CAMTA1: variants seen among roughly 807,000 people sequenced by gnomAD.
CAMTA1 encodes the protein calmodulin-binding transcription activator 1.
A neutral mutation model predicts 170.9 loss-of-function variants in CAMTA1; 27 were observed. The ratio of observed to expected loss-of-function variants is 0.16; its 90% CI spans 0.12 to 0.22. The LOEUF is 0.22. CAMTA1 is among the 10% of genes least tolerant of loss of function. The pLI is 1.00. For missense variants in CAMTA1, 1,619 were observed against 2,217.2 expected, an observed-to-expected ratio of 0.73 and a Z score of 5.42; for synonymous variants, 833 against 891.5, an observed-to-expected ratio of 0.93 and a Z score of 1.17.
chr1:7,101,172 C>T (rs1225938496), intron 4 of CAMTA1, among the ~76,000 whole-genome samples: 1 of 152,202 alleles, frequency 6.6e-6, no homozygotes, highest in African/African-American at 2.4e-5. Flanking sequence ...TTATTCTTAG[C>T]ATCTTCAGCC....
At chr1:7,188,453 A>G (rs1653887295) in intron 4 of CAMTA1, among the ~76,000 whole-genome samples, 1 of 152,204 alleles carries the variant, frequency 6.6e-6, no homozygotes. Context: ...CTCTGTACCC[A>G]TTAAACAGTA....
At chr1:7,537,474 A>T (rs995341813) in intron 6 of CAMTA1, among the ~76,000 whole-genome samples, 1 of 152,210 alleles carries the variant, frequency 6.6e-6, no homozygotes, top group African/African-American at 2.4e-5. Context: ...AGGTCCTAAC[A>T]ACCCTTCTCC....
At chr1:7,577,763 C>T (rs1474384764) in intron 6 of CAMTA1, among the ~76,000 whole-genome samples, 1 of 152,070 alleles carries the variant, frequency 6.6e-6, no homozygotes, top group Non-Finnish European at 1.5e-5. Flanking sequence ...TTGAAACTAC[C>T]CAACACTGCC....
intron 5 of CAMTA1, among the ~76,000 whole-genome samples, chr1:7,460,081 G>A (rs1177603159): frequency 6.6e-6 from 1 of 152,240 alleles, no homozygotes; most frequent in African/African-American, 2.4e-5. Flanking sequence ...CTCACTGTGG[G>A]TCCCTTAGGG....
chr1:7,375,308 T>G (rs1557612899), intron 5 of CAMTA1, among the ~76,000 whole-genome samples: 2 of 152,050 alleles, frequency 1.3e-5, no homozygotes, highest in Admixed American at 6.5e-5. Context: ...GTCCTCAGCT[T>G]CCAACCAAAT....
intron 3 of CAMTA1, among the ~76,000 whole-genome samples, chr1:6,902,076 A>AAAT (rs1677141526): frequency 1.3e-5 from 1 of 78,262 alleles, no homozygotes; most frequent in African/African-American, 3.9e-5. Flanking sequence ...CACACACAAA[A>AAAT]AAAAAAATAA....
At chr1:7,399,195 G>C (rs2089688110) in intron 5 of CAMTA1, among the ~76,000 whole-genome samples, 1 of 152,134 alleles carries the variant, frequency 6.6e-6, no homozygotes, top group Admixed American at 6.5e-5. Flanking sequence ...ATGCGTTCTT[G>C]CTCTGTTAGT....
At chr1:6,984,175 G>T (rs1164392951) in intron 3 of CAMTA1, among the ~76,000 whole-genome samples, 1 of 139,646 alleles carries the variant, frequency 7.2e-6, no homozygotes, top group South Asian at 2.4e-4. Flanking sequence ...TAGATGGGTT[G>T]GTAGGTGAGT....
chr1:7,267,214 T>G (rs1038766025), intron 5 of CAMTA1, among the ~76,000 whole-genome samples: 1 of 152,054 alleles, frequency 6.6e-6, no homozygotes, highest in African/African-American at 2.4e-5. Context: ...CTTCTTGGAG[T>G]AGAGTTACCT....
chr1:7,409,416 A>G (rs1019544456), intron 5 of CAMTA1, among the ~76,000 whole-genome samples: 8 of 152,132 alleles, frequency 5.3e-5, no homozygotes, highest in African/African-American at 1.9e-4. Flanking sequence ...CCAGCCACTA[A>G]GCTTACCAGT....
intron 5 of CAMTA1, among the ~76,000 whole-genome samples, chr1:7,301,654 G>T (rs1674784424): frequency 6.6e-6 from 1 of 152,172 alleles, no homozygotes; most frequent in Non-Finnish European, 1.5e-5. Flanking sequence ...GACAGAAAAA[G>T]CCAAGGCCCA....
intron 6 of CAMTA1, among the ~76,000 whole-genome samples, chr1:7,626,199 A>C (rs1277539403): frequency 6.6e-6 from 1 of 152,160 alleles, no homozygotes; most frequent in Non-Finnish European, 1.5e-5. Context: ...CTGGAATCTC[A>C]CCATTACAGA....
chr1:7,478,309 G>C (rs989563046), intron 6 of CAMTA1, among the ~76,000 whole-genome samples: 29 of 152,330 alleles, frequency 1.9e-4, no homozygotes, highest in African/African-American at 7.0e-4. Context: ...TTGTTCCGCA[G>C]CCTCAGGCGG....
Position 7,430,269 on chromosome 1 carries a change from A to G in CAMTA1, c.439-37561A>G, listed in dbSNP as rs57240688. On this transcript the variant is annotated intron_variant, in intron 5 of 22. Coordinates refer to ENST00000303635, the MANE Select transcript of CAMTA1 (RefSeq NM_015215.4). The stretch of plus-strand genomic sequence containing the variant: ...GAATCTGCTGCTGATGATGATGGGG[A>G]TGATGATGACGAGGATGATGGAGAT... 9.3e-3 allele frequency among the ~76,000 whole-genome samples: 1,374 copies of G among 148,328 alleles called. 20 individuals are homozygous for G. The highest frequency in any genetic ancestry group is 0.033 in the African/African-American group (1,301 of 39,980).
rs34109968 is a variant in CAMTA1, at chr1:7,547,701, AT to A, written c.510+79814del. The stretch of plus-strand genomic sequence containing the variant: ...TAAAACATTATGAGACTTTTTTGCA[AT>A]TTTTTTTTTTTTTAGCTCATCAGCT... On this transcript the variant is annotated intron_variant, in intron 6 of 22. Coordinates refer to ENST00000303635, the MANE Select transcript of CAMTA1 (RefSeq NM_015215.4). This position sits in a 1 kb window ranked among gnomAD's most constrained non-coding sequence, Gnocchi z 5.7. 0.59 allele frequency among the ~76,000 whole-genome samples: 86,576 copies of A among 147,658 alleles called. 27,723 individuals are homozygous for A. Among genetic ancestry groups the A allele is most frequent in the African/African-American group, 0.87 (35,075 of 40,374 alleles).
chr1:7,272,707 A>AG (rs1574350963), intron 5 of CAMTA1, among the ~76,000 whole-genome samples: 2 of 147,550 alleles, frequency 1.4e-5, no homozygotes, highest in Non-Finnish European at 3.0e-5. Context: ...AAAAAAAAAA[A>AG]AAAAAAAAAG....
chr1:7,435,291 G>A lies in CAMTA1; in HGVS notation c.439-32539G>A, dbSNP rs1042450768. Among the ~76,000 whole-genome samples, 2 of 152,210 alleles carry A rather than the reference G, an allele frequency of 1.3e-5. No individual in the cohort carries two copies. The highest frequency in any genetic ancestry group is 1.3e-4 in the Admixed American group (2 of 15,290). ...GCTCACAGTCCAGTGGGGAGATCAG[G>A]CCCCAGGCTGCCTTTATTCTCACTG... On this transcript the variant is annotated intron_variant, in intron 5 of 22. Coordinates refer to ENST00000303635, the MANE Select transcript of CAMTA1 (RefSeq NM_015215.4). This position sits in a 1 kb window ranked among gnomAD's most constrained non-coding sequence, Gnocchi z 4.4.
chr1:7,230,162 G>C (rs1293822414), intron 4 of CAMTA1, among the ~76,000 whole-genome samples: 1 of 151,944 alleles, frequency 6.6e-6, no homozygotes, highest in Non-Finnish European at 1.5e-5. Flanking sequence ...CTCCTGGCCC[G>C]GCCCTGAAGC....
At chr1:7,071,320 G>A (rs146192812) in intron 3 of CAMTA1, among the ~76,000 whole-genome samples, 14 of 152,156 alleles carry the variant, frequency 9.2e-5, no homozygotes, top group Non-Finnish European at 1.8e-4. Flanking sequence ...ACAGTGAATA[G>A]AATTTAATTG....
Sources: gnomAD v4.1 joint callset for allele counts (sites outside exome capture counted in the v4.1 genomes callset) on GRCh38, gnomAD v4.1.1 for gene constraint, Gnocchi (gnomAD v3.1) non-coding constraint, MANE v1.5 for transcripts, NCBI Gene and HGNC (gene_info 2026-07-23, HGNC 2026-07-21) for gene names.